Variants in THSD7B observed in about 807,000 individuals in gnomAD.
The protein encoded by THSD7B is thrombospondin type 1 domain containing 7B, also known as thrombospondin type-1 domain-containing protein 7B.
THSD7B carries 138 observed loss-of-function variants against 213.6 expected under a neutral mutation model. The ratio of observed to expected loss-of-function variants is 0.65; its 90% CI spans 0.56 to 0.74. The LOEUF (loss-of-function observed/expected upper bound fraction) is 0.74, where lower values mean the gene tolerates loss of function less well. Ranked by LOEUF, THSD7B falls within the 30% of genes least tolerant of loss-of-function variation. The probability of loss-of-function intolerance (pLI) is 0.00; values close to 1 mark genes in which losing one functional copy is unlikely to be tolerated. For missense variants in THSD7B, 1,931 were observed against 1,991.5 expected (o/e 0.97, Z 0.58); for synonymous variants, 742 against 687.0 (o/e 1.08, Z -1.25).
intron 15 of THSD7B, among the ~76,000 whole-genome samples, chr2:137,558,312 T>G (rs961123654): frequency 3.9e-5 from 6 of 152,064 alleles, no homozygotes; most frequent in African/African-American, 1.4e-4. Context: ...CAAAAATCCT[T>G]AATAAAATAC....
chr2:137,359,299 G>C (rs937898449), intron 12 of THSD7B, among the ~76,000 whole-genome samples: 3 of 152,196 alleles, frequency 2.0e-5, no homozygotes, highest in African/African-American at 7.2e-5. Flanking sequence ...AGTGGGCCAG[G>C]ACTTTGATGA....
chr2:137,148,766 C>G (rs931937323), intron 5 of THSD7B, among the ~76,000 whole-genome samples: 1 of 152,022 alleles, frequency 6.6e-6, no homozygotes, highest in African/African-American at 2.4e-5. Context: ...TTTAGGTTAT[C>G]TAGTGGAAGA....
chr2:137,048,485 C>T (rs1174887139), intron 2 of THSD7B, among the ~76,000 whole-genome samples: 1 of 152,124 alleles, frequency 6.6e-6, no homozygotes, highest in Non-Finnish European at 1.5e-5. Flanking sequence ...CAAATATACT[C>T]CATGTATCTG....
intron 1 of THSD7B, among the ~76,000 whole-genome samples, chr2:136,847,017 T>A (rs1683022493): frequency 6.6e-6 from 1 of 151,884 alleles, no homozygotes; most frequent in African/African-American, 2.4e-5. Context: ...TGAATATAAT[T>A]TTTCTATTTT....
At chr2:137,055,322 G>A (rs577569639) in intron 2 of THSD7B, among the ~76,000 whole-genome samples, 2 of 152,242 alleles carry the variant, frequency 1.3e-5, no homozygotes, top group South Asian at 4.1e-4. Context: ...AGATTGCTGG[G>A]TTGAATGGTA....
intron 12 of THSD7B, among the ~76,000 whole-genome samples, chr2:137,387,929 C>A (rs1685932448): frequency 6.6e-6 from 1 of 152,160 alleles, no homozygotes; most frequent in African/African-American, 2.4e-5. Context: ...TCACCGACAC[C>A]ACTGTGGCCT....
At chr2:137,300,003 G>A (rs1683562888) in intron 12 of THSD7B, among the ~76,000 whole-genome samples, 1 of 152,112 alleles carries the variant, frequency 6.6e-6, no homozygotes, top group African/African-American at 2.4e-5. Context: ...CAGTCTCACT[G>A]TTATGTGCTT....
chr2:137,168,672 A>G (rs1348451784), intron 6 of THSD7B, among the ~76,000 whole-genome samples: 1 of 152,196 alleles, frequency 6.6e-6, no homozygotes, highest in African/African-American at 2.4e-5. Context: ...CTTCATAAAG[A>G]CTTCTAAGTT....
intron 12 of THSD7B, among the ~76,000 whole-genome samples, chr2:137,401,470 C>G (rs1376622814): frequency 6.6e-6 from 1 of 152,032 alleles, no homozygotes; most frequent in African/African-American, 2.4e-5. Flanking sequence ...TAGAACGTTC[C>G]CAACAAGGAA....
intron 12 of THSD7B, among the ~76,000 whole-genome samples, chr2:137,380,505 T>C (rs1162248801): frequency 6.6e-6 from 1 of 152,106 alleles, no homozygotes; most frequent in African/African-American, 2.4e-5. Context: ...ACTGCAATAG[T>C]TGGATGAATG....
chr2:137,051,485 C>T (rs1687070738), intron 2 of THSD7B, among the ~76,000 whole-genome samples: 1 of 152,168 alleles, frequency 6.6e-6, no homozygotes, highest in South Asian at 2.1e-4. Flanking sequence ...GTAAAAGTCA[C>T]TACATTAACC....
At chr2:137,336,307 C>T (rs186608845) in intron 12 of THSD7B, among the ~76,000 whole-genome samples, 1 of 152,272 alleles carries the variant, frequency 6.6e-6, no homozygotes, top group Non-Finnish European at 1.5e-5. Context: ...CCTCCACAAC[C>T]TATTATCTTC....
chr2:137,519,803 A>G (rs371746972), intron 15 of THSD7B, among the ~76,000 whole-genome samples: 1 of 152,228 alleles, frequency 6.6e-6, no homozygotes, highest in African/African-American at 2.4e-5. Context: ...CTTTCTTATA[A>G]TTTCACATTC....
At chr2:136,924,544 T>G (rs961914165) in intron 2 of THSD7B, among the ~76,000 whole-genome samples, 13 of 152,204 alleles carry the variant, frequency 8.5e-5, no homozygotes, top group African/African-American at 3.1e-4. Flanking sequence ...TATATATATA[T>G]GTTTTTTATG....
intron 3 of THSD7B, among the ~76,000 whole-genome samples, chr2:137,060,680 G>A (rs1211907299): frequency 2.6e-5 from 4 of 151,858 alleles, no homozygotes; most frequent in Non-Finnish European, 4.4e-5. Context: ...ATGTTGATAT[G>A]AGTCTGTTCT....
At chr2:137,103,345 T>C (rs1688184609) in intron 4 of THSD7B, among the ~76,000 whole-genome samples, 1 of 152,162 alleles carries the variant, frequency 6.6e-6, no homozygotes, top group African/African-American at 2.4e-5. Context: ...AGAGATTTTG[T>C]CACAAACAGG....
At chr2:136,954,611 G>A (rs892089617) in intron 2 of THSD7B, among the ~76,000 whole-genome samples, 5 of 151,090 alleles carry the variant, frequency 3.3e-5, no homozygotes, top group African/African-American at 1.2e-4. Flanking sequence ...AGCTACTCTG[G>A]AGGCTGAGGC....
chr2:137,158,212 C>T (rs930993676), intron 5 of THSD7B, among the ~76,000 whole-genome samples: 1 of 152,172 alleles, frequency 6.6e-6, no homozygotes, highest in South Asian at 2.1e-4. Flanking sequence ...TTTCCTCAAC[C>T]CTGGGGATGA....
intron 4 of THSD7B, among the ~76,000 whole-genome samples, chr2:137,105,867 T>G (rs1688238037): frequency 1.3e-5 from 2 of 152,136 alleles, no homozygotes; most frequent in African/African-American, 4.8e-5. Flanking sequence ...CAAGGAGAAC[T>G]ACAAACCACT....
Sources: gnomAD v4.1 joint callset for allele counts (sites outside exome capture counted in the v4.1 genomes callset) on GRCh38, gnomAD v4.1.1 for gene constraint, MANE v1.5 for transcripts, NCBI Gene and HGNC (gene_info 2026-07-23, HGNC 2026-07-21) for gene names.